The following JAM2 variants were observed in gnomAD, a reference collection of about 807,000 sequenced individuals.
The protein encoded by JAM2 is junctional adhesion molecule B.
A neutral mutation model predicts 42.0 loss-of-function variants in JAM2; 17 were observed. That is an observed-to-expected ratio of 0.40 (90% CI 0.28 to 0.61). The LOEUF (loss-of-function observed/expected upper bound fraction) is 0.61, where lower values mean the gene tolerates loss of function less well. JAM2 is among the 20% of genes least tolerant of loss of function. The pLI, the probability that JAM2 is intolerant of heterozygous loss-of-function variation, is 0.37. For synonymous variants in JAM2, 118 were observed against 128.6 expected, an observed-to-expected ratio of 0.92 and a Z score of 0.56; for missense variants, 319 against 358.3, an observed-to-expected ratio of 0.89 and a Z score of 0.89.
chr21:25,645,433 A>G (rs2032580380), intron 1 of JAM2, among the ~76,000 whole-genome samples: 2 of 152,240 alleles, frequency 1.3e-5, no homozygotes, highest in Non-Finnish European at 2.9e-5. Flanking sequence ...TTTGACATTG[A>G]ATATCAGTTT....
At chr21:25,682,453 C>A (rs943265026) in intron 1 of JAM2, among the ~76,000 whole-genome samples, 2 of 152,246 alleles carry the variant, frequency 1.3e-5, no homozygotes, top group African/African-American at 4.8e-5. Flanking sequence ...GTTCCCTGAT[C>A]CCCCTCGCAG....
chr21:25,654,907 G>T (rs114284865), intron 1 of JAM2, among the ~76,000 whole-genome samples: 1 of 152,120 alleles, frequency 6.6e-6, no homozygotes, highest in African/African-American at 2.4e-5. Context: ...AAACAAAGGG[G>T]GAGAGAGGAA....
rs973422349 is a variant in JAM2 at position 25,639,868 on chromosome 21, A to G, written c.47A>G (p.Tyr16Cys). ...RHRLLLLLLR[Y>C]LVVALGYHKA... is the part of the protein sequence containing the mutation. ...CGCCTCCTCCTGCTGCTGCTGCGCT[A>G]CCTGGTGGTCGCCCTGGGCTGTAAG... The change falls in exon 1 of 10, where the codon TAC becomes TGC. Residue 16 changes from tyrosine to cysteine, a missense_variant. By Grantham distance (194) the Tyr-to-Cys change is radical. Transcript: ENST00000480456. 7 of 1,594,028 alleles carry G rather than the reference A, an allele frequency of 4.4e-6. No individual in the cohort carries two copies. The highest frequency in any genetic ancestry group is 2.3e-5 in the East Asian group (1 of 44,014).
At chr21:25,701,822 A>T (rs1601058490) in intron 5 of JAM2, among the ~76,000 whole-genome samples, 1 of 152,034 alleles carries the variant, frequency 6.6e-6, no homozygotes, top group Non-Finnish European at 1.5e-5. Context: ...TTTATAAATG[A>T]TGTTTCCTAG....
intron 4 of JAM2, among the ~76,000 whole-genome samples, chr21:25,695,293 G>C (rs2033978904): frequency 6.6e-6 from 1 of 152,186 alleles, no homozygotes; most frequent in East Asian, 1.9e-4. Context: ...GCACGGGGTT[G>C]GGGGTAATGT....
At chr21:25,671,572 C>T (rs1415848305) in intron 1 of JAM2, among the ~76,000 whole-genome samples, 1 of 152,068 alleles carries the variant, frequency 6.6e-6, no homozygotes, top group Non-Finnish European at 1.5e-5. Context: ...GTGGCACAAT[C>T]TCAGCCCACT....
intron 2 of JAM2, among the ~76,000 whole-genome samples, chr21:25,685,406 A>G (rs1351997097): frequency 6.6e-6 from 1 of 151,566 alleles, no homozygotes; most frequent in Non-Finnish European, 1.5e-5. Flanking sequence ...CTGTTGTCCC[A>G]GCTACTCAGG....
intron 1 of JAM2, among the ~76,000 whole-genome samples, chr21:25,651,870 T>C (rs1310841054): frequency 2.0e-5 from 3 of 152,164 alleles, no homozygotes; most frequent in African/African-American, 7.2e-5. Flanking sequence ...TGCAGAACAA[T>C]CTAGTGCAAC....
At chr21:25,700,515 C>T (rs763753562) in intron 5 of JAM2, among the ~76,000 whole-genome samples, 3 of 152,158 alleles carry the variant, frequency 2.0e-5, no homozygotes, top group Non-Finnish European at 2.9e-5. Flanking sequence ...CACCTGCCAC[C>T]ATGCCTAGCA....
rs182064305 is a variant in JAM2 at position 25,688,084 on chromosome 21, G to A, written c.134-1782G>A. 4.6e-5 allele frequency among the ~76,000 whole-genome samples: 7 copies of A among 152,334 alleles called. No homozygotes were observed. The East Asian group carries it at 1.3e-3, about 29-fold the overall frequency. On this transcript the variant is annotated intron_variant, in intron 2 of 9. Coordinates refer to ENST00000480456, the MANE Select transcript of JAM2 (RefSeq NM_021219.4). ...TACTCAACCTATTTTGGATGAATTGGATAAACCATTTCTCGACATTTTACA... is the reference window on the plus strand; with the variant it reads ...TACTCAACCTATTTTGGATGAATTGAATAAACCATTTCTCGACATTTTACA...
At chr21:25,699,597 C>T (rs2123400547) in intron 5 of JAM2, among the ~76,000 whole-genome samples, 1 of 151,968 alleles carries the variant, frequency 6.6e-6, no homozygotes, top group East Asian at 1.9e-4. Context: ...GTGGCGGGCG[C>T]CTGTAGTCCC....
intron 1 of JAM2, among the ~76,000 whole-genome samples, chr21:25,649,614 T>C (rs995392348): frequency 6.6e-6 from 1 of 152,212 alleles, no homozygotes; most frequent in African/African-American, 2.4e-5. Flanking sequence ...AAAGTTCTAC[T>C]CTCTGGAGCA....
At chr21:25,660,776 A>ATTTTTTTTTT (rs1568893089) in intron 1 of JAM2, among the ~76,000 whole-genome samples, 1 of 60,172 alleles carries the variant, frequency 1.7e-5, no homozygotes, top group Non-Finnish European at 2.9e-5. Context: ...ATATATATAT[A>ATTTTTTTTTT]TATATATTTT....
At chr21:25,673,003 G>A (rs1266769283) in intron 1 of JAM2, among the ~76,000 whole-genome samples, 1 of 152,090 alleles carries the variant, frequency 6.6e-6, no homozygotes, top group Non-Finnish European at 1.5e-5. Context: ...ATTGACTGTT[G>A]CCGTCTATCT....
chr21:25,660,888 G>A (rs767667122), intron 1 of JAM2, among the ~76,000 whole-genome samples: 6 of 139,114 alleles, frequency 4.3e-5, no homozygotes, highest in African/African-American at 1.7e-4. Flanking sequence ...TCCACCTCCT[G>A]GGTTCAAGTG....
chr21:25,685,524 C>CA (rs776114627), intron 2 of JAM2, among the ~76,000 whole-genome samples: 9,105 of 49,960 alleles, frequency 0.18, 869 homozygotes, highest in African/African-American at 0.25. Flanking sequence ...GAGAATGTCT[C>CA]AAAAAAAAAA....
chr21:25,702,907 C>T (rs1470479049), intron 6 of JAM2, among the ~76,000 whole-genome samples: 1 of 152,094 alleles, frequency 6.6e-6, no homozygotes, highest in Non-Finnish European at 1.5e-5. Context: ...GGCTGGAGTG[C>T]AGTGTCGTGA....
intron 1 of JAM2, among the ~76,000 whole-genome samples, chr21:25,675,208 C>CT (rs1189915005): frequency 6.6e-6 from 1 of 152,076 alleles, no homozygotes; most frequent in East Asian, 1.9e-4. Context: ...GTGCTACACA[C>CT]TTTTTGGCCA....
chr21:25,709,059 C>T (rs1376209549), intron 7 of JAM2, among the ~76,000 whole-genome samples: 1 of 151,964 alleles, frequency 6.6e-6, no homozygotes, highest in Admixed American at 6.6e-5. Flanking sequence ...GACTTTGAAC[C>T]CCAATTAAGA....
Sources: allele counts gnomAD v4.1 joint callset (sites outside exome capture counted in the v4.1 genomes callset), GRCh38; gene constraint gnomAD v4.1.1; transcripts MANE v1.5; gene names NCBI Gene and HGNC (gene_info 2026-07-23, HGNC 2026-07-21).